The following CSGALNACT1 variants were observed in gnomAD, a reference collection of about 807,000 sequenced individuals.
CSGALNACT1 encodes chondroitin sulfate N-acetylgalactosaminyltransferase 1.
CSGALNACT1 carries 52 observed loss-of-function variants against 51.0 expected under a neutral mutation model. The observed-to-expected ratio is 1.02, with a 90% CI of 0.82 to 1.29. The LOEUF (loss-of-function observed/expected upper bound fraction) is 1.29, where lower values mean the gene tolerates loss of function less well. CSGALNACT1 is among the 50% of genes most tolerant of loss of function. The pLI, the probability that CSGALNACT1 is intolerant of heterozygous loss-of-function variation, is 0.00. For synonymous variants in CSGALNACT1, 341 were observed against 254.4 expected (o/e 1.34, Z -3.24); for missense variants, 935 against 679.2 (o/e 1.38, Z -4.19).
intron 1 of CSGALNACT1, among the ~76,000 whole-genome samples, chr8:19,635,961 C>T (rs986184418): frequency 6.6e-6 from 1 of 152,176 alleles, no homozygotes; most frequent in Non-Finnish European, 1.5e-5. Context: ...AACTCCTGAC[C>T]TCAGATGATC....
rs140022325 is a variant in CSGALNACT1, at chr8:19,428,311, T to C, written c.954-7793A>G. ...GAAGTTTAATTGCCTCACAGTTCCA[T>C]GTGGCTGGGGAGGCCTCACATTCAT... is the stretch of plus-strand genomic sequence containing the variant. On this transcript the variant is annotated intron_variant, in intron 6 of 9. Coordinates refer to ENST00000454498, the Ensembl canonical transcript of CSGALNACT1. Among the ~76,000 whole-genome samples, 157 of 152,286 alleles carry C rather than the reference T, an allele frequency of 1.0e-3. 1 individual carries two copies. The highest frequency in any genetic ancestry group is 3.5e-3 in the African/African-American group (145 of 41,568).
chr8:19,699,108 C>G (rs1408736291), intron 1 of CSGALNACT1, among the ~76,000 whole-genome samples: 1 of 152,186 alleles, frequency 6.6e-6, no homozygotes, highest in African/African-American at 2.4e-5. Flanking sequence ...GTCTCAAACT[C>G]AAGCAATCTG....
chr8:19,631,008 T>G (rs2055177587), intron 1 of CSGALNACT1, among the ~76,000 whole-genome samples: 1 of 152,170 alleles, frequency 6.6e-6, no homozygotes, highest in Non-Finnish European at 1.5e-5. Context: ...GCTCGCTGGG[T>G]TTTGACAATT....
intron 4 of CSGALNACT1, among the ~76,000 whole-genome samples, chr8:19,472,516 G>T (rs551110582): frequency 6.6e-6 from 1 of 152,292 alleles, no homozygotes; most frequent in African/African-American, 2.4e-5. Context: ...TTTCAAAGAG[G>T]TAAGCCATTT....
At chr8:19,439,905 C>T in exon 6 of CSGALNACT1, 1 of 1,614,128 alleles carries the variant, frequency 6.2e-7, no homozygotes, top group Non-Finnish European at 8.5e-7. Flanking sequence ...GAGATGGACT[C>T]TCCCATCCTG....
chr8:19,609,932 T>C (rs1033523388), intron 1 of CSGALNACT1, among the ~76,000 whole-genome samples: 15 of 152,026 alleles, frequency 9.9e-5, no homozygotes, highest in Admixed American at 3.3e-4. Flanking sequence ...TTAAATAACA[T>C]GGAAGAGGCC....
At chr8:19,431,501 G>GA (rs1231617887) in intron 6 of CSGALNACT1, among the ~76,000 whole-genome samples, 31 of 150,318 alleles carry the variant, frequency 2.1e-4, no homozygotes, top group East Asian at 9.7e-4. Flanking sequence ...TTGCATTCCT[G>GA]AAAAAAAAAT....
At chr8:19,422,187 T>C (rs1381858743) in intron 6 of CSGALNACT1, among the ~76,000 whole-genome samples, 1 of 152,176 alleles carries the variant, frequency 6.6e-6, no homozygotes, top group African/African-American at 2.4e-5. Flanking sequence ...TATACTTGTA[T>C]ATAATACACT....
At chr8:19,613,153 T>C (rs997905392) in intron 1 of CSGALNACT1, among the ~76,000 whole-genome samples, 2 of 152,112 alleles carry the variant, frequency 1.3e-5, no homozygotes, top group South Asian at 2.1e-4. Context: ...AATTTCAAGG[T>C]GTACCATGTC....
At chr8:19,578,165 C>T (rs1250185045) in intron 3 of CSGALNACT1, among the ~76,000 whole-genome samples, 2 of 152,172 alleles carry the variant, frequency 1.3e-5, no homozygotes, top group Non-Finnish European at 2.9e-5. Flanking sequence ...ACCAATGATG[C>T]CATCATCAAA....
chr8:19,558,511 C>T lies in CSGALNACT1; in HGVS notation c.-297+32649G>A, dbSNP rs143877193. ...CATTCTTGAAAAGGGTATGTTAATA[C>T]AGAAAAAGTATCTATGGATTTGGAA... On this transcript the variant is annotated intron_variant, in intron 3 of 9. Coordinates refer to ENST00000454498, the Ensembl canonical transcript of CSGALNACT1. Among the ~76,000 whole-genome samples the T allele has an allele frequency of 1.3e-4, 20 of 152,226 alleles. No homozygotes were observed. The East Asian group carries it at 3.9e-3, about 29-fold the overall frequency.
upstream of CSGALNACT1, among the ~76,000 whole-genome samples, chr8:19,684,878 T>C (rs2060885735): frequency 6.6e-6 from 1 of 152,228 alleles, no homozygotes; most frequent in African/African-American, 2.4e-5. Flanking sequence ...GGTATGTAAT[T>C]TCATATCCAT....
At chr8:19,646,675 C>T (rs180757203) in intron 1 of CSGALNACT1, among the ~76,000 whole-genome samples, 1 of 152,242 alleles carries the variant, frequency 6.6e-6, no homozygotes, top group East Asian at 1.9e-4. Flanking sequence ...CTTGTTGGCA[C>T]ATGTTATTAA....
At chr8:19,496,344 G>C (rs771853838) in intron 4 of CSGALNACT1, among the ~76,000 whole-genome samples, 3 of 152,072 alleles carry the variant, frequency 2.0e-5, no homozygotes, top group Non-Finnish European at 2.9e-5. Context: ...TTCCAGATTT[G>C]GGGTGTTACC....
intron 1 of CSGALNACT1, among the ~76,000 whole-genome samples, chr8:19,726,626 C>T (rs1203799197): frequency 6.6e-6 from 1 of 151,996 alleles, no homozygotes; most frequent in Admixed American, 6.6e-5. Flanking sequence ...AAAAAAGATA[C>T]AATACACTAT....
chr8:19,652,630 T>A (rs919671043), intron 1 of CSGALNACT1, among the ~76,000 whole-genome samples: 1 of 152,102 alleles, frequency 6.6e-6, no homozygotes, highest in African/African-American at 2.4e-5. Context: ...TCTTTGACCA[T>A]CTCCTTCTCT....
chr8:19,716,709 G>A (rs1229881225), intron 1 of CSGALNACT1, among the ~76,000 whole-genome samples: 10 of 150,442 alleles, frequency 6.6e-5, no homozygotes, highest in Non-Finnish European at 1.2e-4. Context: ...TGAGAATCAC[G>A]GGAACATGGG....
exon 10 of CSGALNACT1, chr8:19,405,660 C>G (rs1479307623): frequency 2.3e-6 from 3 of 1,297,892 alleles, no homozygotes; most frequent in Non-Finnish European, 3.3e-6. Flanking sequence ...GCTTTCTCAT[C>G]TCTGACCCAT....
At chr8:19,632,759 G>C (rs938008892) in intron 1 of CSGALNACT1, among the ~76,000 whole-genome samples, 11 of 151,882 alleles carry the variant, frequency 7.2e-5, no homozygotes, top group Non-Finnish European at 1.0e-4. Flanking sequence ...ATTCTGCTGA[G>C]TCTTTTACTT....
Sources: gnomAD v4.1 joint callset for allele counts (sites outside exome capture counted in the v4.1 genomes callset) on GRCh38, gnomAD v4.1.1 for gene constraint, MANE v1.5 for transcripts, NCBI Gene and HGNC (gene_info 2026-07-23, HGNC 2026-07-21) for gene names.